The following GPBP1 variants were observed in gnomAD, a reference collection of about 807,000 sequenced individuals.
The protein encoded by GPBP1 is GC-rich promoter binding protein 1.
GPBP1 carries 13 observed loss-of-function variants against 56.5 expected under a neutral mutation model. The observed-to-expected ratio is 0.23, with a 90% confidence interval of 0.15 to 0.37. The LOEUF is 0.37. GPBP1 is among the 10% of genes least tolerant of loss of function. The pLI, the probability that GPBP1 is intolerant of heterozygous loss-of-function variation, is 1.00. For missense variants in GPBP1, 477 were observed against 572.3 expected (o/e 0.83, Z 1.70); for synonymous variants, 204 against 188.9 (o/e 1.08, Z -0.66).
chr5:57,262,635 T>C lies in GPBP1; in HGVS notation c.1305T>C (p.Asn435=). ...TGAGAAAAAATGGTATTTTGAAAAA[T>C]GGCTTGATCTGTGACTTCAAGTTTG... is the stretch of plus-strand genomic sequence containing the variant. The part of the protein sequence containing the change: ...NGLRKNGILK[N]GLICDFKFGP... Residue 435 remains asparagine (N), a synonymous_variant, in exon 12 of 12, where the codon AAT becomes AAC. Transcript: ENST00000506184. 1 of 1,613,416 alleles carries C rather than the reference T, an allele frequency of 6.2e-7. No individual in the cohort carries two copies. The highest frequency in any genetic ancestry group is 1.1e-5 in the South Asian group (1 of 90,998).
Position 57,247,134 on chromosome 5 carries a change from G to A in GPBP1, c.723G>A (p.Glu241=). 6.2e-7 allele frequency: 1 copy of A among 1,613,694 alleles called. No homozygotes were observed. Among genetic ancestry groups the A allele is most frequent in the East Asian group, 2.2e-5 (1 of 44,810 alleles). ...AAGTTGGAACTTCTTTCCCTCATGA[G>A]TCCACATTTGGCGTTGGCAACTTTA... is the stretch of plus-strand genomic sequence containing the variant. ...ENKVGTSFPH[E]STFGVGNFNA... Residue 241 remains glutamate, a synonymous_variant, in exon 8 of 12, where the codon GAG becomes GAA. Coordinates refer to ENST00000506184, the MANE Select transcript of GPBP1 (RefSeq NM_022913.4).
In GPBP1 at chr5:57,175,800, A is replaced by C. The variant is rs747454244; in HGVS notation, c.-658A>C. Reference sequence around the variant, plus strand: ...GATTTGTGTACTGAGTAGTTTCAGCAGTTTCAAATGACTGAGTATTGCTGA... The same window carrying C: ...GATTTGTGTACTGAGTAGTTTCAGCCGTTTCAAATGACTGAGTATTGCTGA... On this transcript the variant is annotated 5_prime_UTR_variant, in exon 2 of 12. Transcript: ENST00000506184. 102 of 397,022 alleles carry C rather than the reference A, an allele frequency of 2.6e-4. No homozygotes were observed. The highest frequency in any genetic ancestry group is 3.7e-4 in the Non-Finnish European group (84 of 225,678). 24.6% of individuals were successfully genotyped at this position (397,022 alleles called of 1,614,324 possible). A position where few individuals can be genotyped will look rare whatever the true frequency, so the allele number is the denominator to read the frequency against.
intron 2 of GPBP1, among the ~76,000 whole-genome samples, chr5:57,180,660 C>T (rs1029133922): frequency 6.6e-6 from 1 of 152,028 alleles, no homozygotes; most frequent in Non-Finnish European, 1.5e-5. Flanking sequence ...TTTTTTTGGC[C>T]TTAGTTTCTT....
intron 2 of GPBP1, among the ~76,000 whole-genome samples, chr5:57,205,582 CTT>C (rs56406653): frequency 1.1e-4 from 15 of 138,196 alleles, no homozygotes; most frequent in East Asian, 6.4e-4. Context: ...TTTATTTCCT[CTT>C]TTTTTTTTTT....
chr5:57,191,106 T>A (rs1754506558), intron 2 of GPBP1, among the ~76,000 whole-genome samples: 1 of 151,384 alleles, frequency 6.6e-6, no homozygotes, highest in South Asian at 2.1e-4. Context: ...TTTCTTTTTT[T>A]TTTAAGGCAT....
intron 3 of GPBP1, among the ~76,000 whole-genome samples, chr5:57,218,189 A>G (rs10472000): frequency 0.11 from 16,634 of 152,182 alleles, 995 homozygotes; most frequent in South Asian, 0.13. Flanking sequence ...TGGGTATCCT[A>G]TAATTCATTT....
At chr5:57,231,073 A>G (rs988018392) in intron 4 of GPBP1, 25 bp from the exon 5 acceptor site, 3 of 1,592,596 alleles carry the variant, frequency 1.9e-6, no homozygotes, top group East Asian at 2.2e-5. Context: ...TTGAATTTAT[A>G]TTACTTTGCT....
intron 2 of GPBP1, among the ~76,000 whole-genome samples, chr5:57,193,613 C>CAAAAAA (rs1194542329): frequency 1.6e-5 from 1 of 61,514 alleles, no homozygotes; most frequent in Non-Finnish European, 3.5e-5. Flanking sequence ...GACCCTGTCT[C>CAAAAAA]AAAAAAAAAA....
intron 1 of GPBP1, among the ~76,000 whole-genome samples, 193 bp downstream of exon 1, chr5:57,174,404 G>T (rs375921098): frequency 6.6e-6 from 1 of 151,980 alleles, no homozygotes; most frequent in Non-Finnish European, 1.5e-5. Context: ...GTATTGACTC[G>T]GCCCGGGTGG....
At chr5:57,254,128 G>C (rs1287328783) in intron 10 of GPBP1, among the ~76,000 whole-genome samples, 1 of 151,972 alleles carries the variant, frequency 6.6e-6, no homozygotes, top group East Asian at 1.9e-4. Context: ...GTTTCGCCAT[G>C]TTGCCCAGGC....
chr5:57,217,504 G>C (rs939202910), intron 3 of GPBP1, among the ~76,000 whole-genome samples: 9 of 152,072 alleles, frequency 5.9e-5, no homozygotes, highest in African/African-American at 2.2e-4. Context: ...CGGGAGGGTG[G>C]AGGTTGTGGT....
rs569074284 is a variant in GPBP1, at chr5:57,261,974, T to C, written c.1264-620T>C. Among the ~76,000 whole-genome samples the C allele has an allele frequency of 2.0e-5, 3 of 152,326 alleles. No individual in the cohort carries two copies. The South Asian group carries it at 6.2e-4, about 32-fold the overall frequency. ...ATAGCTCACTGCATCCCCAAATTTC[T>C]GGGCTCAAGCAATACTCTTGCCTCA... On this transcript the variant is annotated intron_variant, in intron 11 of 11. Coordinates refer to ENST00000506184, the MANE Select transcript of GPBP1 (RefSeq NM_022913.4).
intron 2 of GPBP1, among the ~76,000 whole-genome samples, chr5:57,202,814 T>C (rs1755077474): frequency 6.6e-6 from 1 of 152,250 alleles, no homozygotes; most frequent in Non-Finnish European, 1.5e-5. Flanking sequence ...ATATTGCTCA[T>C]ATTATTAATA....
At chr5:57,231,661 C>T (rs1170748782) in intron 5 of GPBP1, among the ~76,000 whole-genome samples, 1 of 152,192 alleles carries the variant, frequency 6.6e-6, no homozygotes, top group Non-Finnish European at 1.5e-5. Context: ...TCATATTTAT[C>T]TAGTTCTTGC....
chr5:57,193,130 A>G (rs566490161), intron 2 of GPBP1, among the ~76,000 whole-genome samples: 37 of 152,144 alleles, frequency 2.4e-4, no homozygotes, highest in Non-Finnish European at 4.6e-4. Flanking sequence ...CAGCCTGGCC[A>G]ACATGGTGAA....
intron 6 of GPBP1, among the ~76,000 whole-genome samples, chr5:57,243,664 C>T (rs1329236674): frequency 2.0e-5 from 3 of 150,432 alleles, no homozygotes; most frequent in Non-Finnish European, 4.4e-5. Flanking sequence ...TATCTACTTG[C>T]CTATCTAGTT....
chr5:57,209,727 T>C (rs1755393785), intron 2 of GPBP1, among the ~76,000 whole-genome samples: 1 of 152,248 alleles, frequency 6.6e-6, no homozygotes, highest in African/African-American at 2.4e-5. Flanking sequence ...CAAATGCTTT[T>C]TCTGCATCAA....
chr5:57,253,173 A>G (rs960013439), intron 10 of GPBP1, among the ~76,000 whole-genome samples: 2 of 152,078 alleles, frequency 1.3e-5, no homozygotes, highest in South Asian at 2.1e-4. Flanking sequence ...TGCAGAAATG[A>G]CATACCCTTA....
At chr5:57,250,121 A>G (rs994419656) in intron 9 of GPBP1, among the ~76,000 whole-genome samples, 2 of 148,174 alleles carry the variant, frequency 1.3e-5, no homozygotes, top group Non-Finnish European at 3.0e-5. Context: ...GACTATATTT[A>G]TGTGCCACCA....
Sources: allele counts gnomAD v4.1 joint callset (sites outside exome capture counted in the v4.1 genomes callset), GRCh38; gene constraint gnomAD v4.1.1; transcripts MANE v1.5; gene names NCBI Gene and HGNC (gene_info 2026-07-23, HGNC 2026-07-21).